IL16: variants seen among roughly 807,000 people sequenced by gnomAD.
IL16 encodes the protein interleukin 16.
A neutral mutation model predicts 110.1 loss-of-function variants in IL16; 67 were observed. The ratio of observed to expected loss-of-function variants is 0.61; its 90% CI spans 0.50 to 0.75. The LOEUF (loss-of-function observed/expected upper bound fraction) is 0.75, where lower values mean the gene tolerates loss of function less well. Ranked by LOEUF, IL16 falls within the 30% of genes least tolerant of loss-of-function variation. The pLI, the probability that IL16 is intolerant of heterozygous loss-of-function variation, is 0.00. For synonymous variants in IL16, 689 were observed against 662.9 expected (o/e 1.04, Z -0.61); for missense variants, 1,545 against 1,655.0 (o/e 0.93, Z 1.15).
intron 2 of IL16, among the ~76,000 whole-genome samples, chr15:81,232,049 T>TTC (rs1555415633): frequency 1.5e-3 from 182 of 118,846 alleles, no homozygotes; most frequent in Middle Eastern, 4.2e-3. Flanking sequence ...CTTGTTTTTT[T>TTC]TTTTTTTTTT....
At chr15:81,183,406 T>A (rs1325668638) in intron 1 of IL16, among the ~76,000 whole-genome samples, 1 of 152,164 alleles carries the variant, frequency 6.6e-6, no homozygotes, top group Non-Finnish European at 1.5e-5. Context: ...GGGGCCTCCA[T>A]CCAGATCCCC....
intron 1 of IL16, among the ~76,000 whole-genome samples, chr15:81,188,696 A>T (rs1199788240): frequency 6.6e-6 from 1 of 152,128 alleles, no homozygotes; most frequent in Non-Finnish European, 1.5e-5. Context: ...GTGTCTATGC[A>T]TCTGATCACA....
In IL16 at chr15:81,311,054, G is replaced by C. The variant is rs949277443; in HGVS notation, c.*2256G>C. On this transcript the variant is annotated 3_prime_UTR_variant, in exon 19 of 19. Transcript: ENST00000683961. ...TAGGCTGGGGAAGTCCTCTGGGTAG[G>C]AATCAGCAAGAAGATCCTAAAACAA... The C allele has an allele frequency of 6.6e-6, 1 of 152,180 alleles. No individual in the cohort carries two copies. Among genetic ancestry groups the C allele is most frequent in the Non-Finnish European group, 1.5e-5 (1 of 68,060 alleles). The allele number at this position is 152,180 out of a possible 1,614,324, so 9.4% of individuals were successfully genotyped here.
chr15:81,289,799 A>G (rs542850570), intron 10 of IL16: 191 of 353,444 alleles, frequency 5.4e-4, no homozygotes, highest in African/African-American at 3.7e-3. Context: ...ACATAGTCCA[A>G]TTTATCTATT....
chr15:81,283,412 C>T (rs1031847238), intron 9 of IL16, among the ~76,000 whole-genome samples: 3 of 151,908 alleles, frequency 2.0e-5, no homozygotes, highest in Non-Finnish European at 4.4e-5. Flanking sequence ...AGCTCAGAGC[C>T]GTGTTCCTCA....
intron 2 of IL16, among the ~76,000 whole-genome samples, chr15:81,242,293 T>C (rs1427382806): frequency 6.6e-6 from 1 of 152,214 alleles, no homozygotes. Context: ...GAAGTTTTGG[T>C]AGGAATTGCG....
At chr15:81,272,212 G>A (rs1244430729) in intron 5 of IL16, among the ~76,000 whole-genome samples, 1 of 152,220 alleles carries the variant, frequency 6.6e-6, no homozygotes, top group Non-Finnish European at 1.5e-5. Flanking sequence ...CTCTAGGGCG[G>A]CATGGGGTGC....
chr15:81,230,062 G>A (rs540616527), intron 2 of IL16, among the ~76,000 whole-genome samples: 14 of 152,284 alleles, frequency 9.2e-5, no homozygotes, highest in South Asian at 6.2e-4. Context: ...GGGCATGGGC[G>A]TGAAGAATCC....
In IL16 at chr15:81,225,560, A is replaced by G. The variant is rs1161272060; in HGVS notation, c.161A>G (p.Glu54Gly). Residue 54 changes from glutamate to glycine, a missense_variant, in exon 2 of 19, where the codon GAG (glutamate) becomes GGG (glycine). Physicochemically the swap from Glu to Gly is moderately conservative, Grantham distance 98. This residue lies in a region of IL16 where 1,185 missense variants were observed against 1,238.8 expected (regional missense o/e 0.96). Transcript: ENST00000683961. Reference protein sequence around the residue: ...PFEISLAQGKEGIFHSSVQLA... With the variant: ...PFEISLAQGKGGIFHSSVQLA... ...GAGATTTCCTTGGCCCAGGGCAAGG[A>G]GGGAATTTTCCACTCATCTGTGCAG... 1 of 1,614,122 alleles carries G rather than the reference A, an allele frequency of 6.2e-7. No homozygotes were observed. Among genetic ancestry groups the G allele is most frequent in the Non-Finnish European group, 8.5e-7 (1 of 1,180,010 alleles).
chr15:81,199,215 G>C (rs1353944234), intron 1 of IL16, among the ~76,000 whole-genome samples: 2 of 152,064 alleles, frequency 1.3e-5, no homozygotes, highest in Non-Finnish European at 2.9e-5. Flanking sequence ...ATAGTTCCAA[G>C]AACTTGGAGT....
intron 2 of IL16, among the ~76,000 whole-genome samples, chr15:81,247,208 T>G (rs1246337423): frequency 6.6e-6 from 1 of 151,914 alleles, no homozygotes; most frequent in African/African-American, 2.4e-5. Flanking sequence ...TTAATAAATT[T>G]TGTCCATATC....
intron 8 of IL16, among the ~76,000 whole-genome samples, chr15:81,282,166 A>T (rs917532632): frequency 1.1e-4 from 16 of 152,146 alleles, no homozygotes; most frequent in Admixed American, 7.9e-4. Flanking sequence ...GTCCTGCAAC[A>T]TGGCATGCTT....
chr15:81,286,409 A>G (rs1479701822), intron 10 of IL16, among the ~76,000 whole-genome samples: 1 of 152,242 alleles, frequency 6.6e-6, no homozygotes, highest in African/African-American at 2.4e-5. Context: ...TCAATGTCAC[A>G]GAGTCAAAAA....
At chr15:81,256,429 G>T (rs191348578) in intron 2 of IL16, among the ~76,000 whole-genome samples, 2 of 151,102 alleles carry the variant, frequency 1.3e-5, no homozygotes, top group East Asian at 3.9e-4. Flanking sequence ...TGCCTCCCAG[G>T]TTTATGTGAT....
intron 12 of IL16, among the ~76,000 whole-genome samples, chr15:81,296,071 G>A (rs375418514): frequency 6.6e-6 from 1 of 152,140 alleles, no homozygotes; most frequent in Non-Finnish European, 1.5e-5. Flanking sequence ...TATTATGTTT[G>A]GTTGGGCTAT....
At chr15:81,239,070 G>T (rs1897266216) in intron 2 of IL16, among the ~76,000 whole-genome samples, 1 of 149,560 alleles carries the variant, frequency 6.7e-6, no homozygotes, top group African/African-American at 2.5e-5. Flanking sequence ...TTCATCTTTA[G>T]TTTTTAGAAG....
At chr15:81,216,948 A>C (rs1362839640) in intron 1 of IL16, among the ~76,000 whole-genome samples, 1 of 152,244 alleles carries the variant, frequency 6.6e-6, no homozygotes, top group African/African-American at 2.4e-5. Flanking sequence ...TACAGCATGT[A>C]ACCACGACAT....
chr15:81,283,883 A>G (rs1899310891), intron 9 of IL16, among the ~76,000 whole-genome samples: 1 of 151,920 alleles, frequency 6.6e-6, no homozygotes, highest in Admixed American at 6.6e-5. Context: ...CCTTCCTGTA[A>G]TCCCAGTTAC....
chr15:81,254,673 T>A (rs1021539135), intron 2 of IL16, among the ~76,000 whole-genome samples: 2 of 152,184 alleles, frequency 1.3e-5, no homozygotes, highest in Non-Finnish European at 1.5e-5. Flanking sequence ...CTGACCTCGA[T>A]GACAAATCCT....
Sources: gnomAD v4.1 joint callset for allele counts (sites outside exome capture counted in the v4.1 genomes callset) on GRCh38, gnomAD v4.1.1 for gene constraint, gnomAD v4.1.1 regional missense constraint, MANE v1.5 for transcripts, NCBI Gene and HGNC (gene_info 2026-07-23, HGNC 2026-07-21) for gene names.